The following SLC25A27 variants were observed in gnomAD, a reference collection of about 807,000 sequenced individuals.
SLC25A27 encodes mitochondrial uncoupling protein 4.
Under a neutral mutation model 49.1 loss-of-function variants are expected in SLC25A27, and 35 were observed. That is an observed-to-expected ratio of 0.71 (90% CI 0.54 to 0.95). SLC25A27 has a LOEUF of 0.95. SLC25A27 is among the 40% of genes least tolerant of loss of function. SLC25A27 has a pLI of 0.00. For missense variants in SLC25A27, 339 were observed against 397.1 expected, an observed-to-expected ratio of 0.85 and a Z score of 1.24; for synonymous variants, 144 against 136.9, an observed-to-expected ratio of 1.05 and a Z score of -0.36.
At position 46,656,009 on chromosome 6, in the gene SLC25A27, G is replaced by A. The variant is rs764234756; in HGVS notation, c.273G>A (p.Val91=). 6.8e-6 allele frequency: 11 copies of A among 1,610,688 alleles called. No homozygotes were observed. The highest frequency in any genetic ancestry group is 1.7e-5 in the Admixed American group (1 of 59,404). Residue 91 remains valine, a synonymous_variant, in exon 2 of 9, where the codon GTG becomes GTA. Coordinates refer to ENST00000371347, the MANE Select transcript of SLC25A27 (RefSeq NM_004277.5). The stretch of plus-strand genomic sequence containing the variant: ...GCTTTCTAAAGCTTTGGCAAGGAGT[G>A]ACACCCGCCATTTACAGACACGTAG... ...EEGFLKLWQG[V]TPAIYRHVVY...
At chr6:46,670,919 A>G (rs886517222) in intron 7 of SLC25A27, among the ~76,000 whole-genome samples, 1 of 152,024 alleles carries the variant, frequency 6.6e-6, no homozygotes, top group Non-Finnish European at 1.5e-5. Flanking sequence ...TTTAGTAGAG[A>G]TGGGGTTTCA....
intron 6 of SLC25A27, 118 bp from the exon 7 acceptor site, chr6:46,670,017 C>T: frequency 1.8e-6 from 1 of 565,224 alleles, no homozygotes; most frequent in South Asian, 3.0e-5. Context: ...GCAAAAAGAG[C>T]ATTATGAAGC....
rs1763853488 is a variant in SLC25A27 at position 46,677,869 on chromosome 6, G to A, written c.*1415G>A. The stretch of plus-strand genomic sequence containing the variant: ...TAATGTATACTCACTGCCATTTTAA[G>A]AGGGGGAAGTACATTTTAAAATATA... On this transcript the variant is annotated 3_prime_UTR_variant, in exon 9 of 9. Coordinates refer to ENST00000371347, the MANE Select transcript of SLC25A27 (RefSeq NM_004277.5). The A allele has an allele frequency of 6.6e-6, 1 of 152,468 alleles. No individual in the cohort carries two copies. Among genetic ancestry groups the A allele is most frequent in the African/African-American group, 2.4e-5 (1 of 41,370 alleles). 9.4% of individuals were successfully genotyped at this position (152,468 alleles called of 1,614,324 possible).
At chr6:46,672,469 T>G (rs1199617519) in intron 8 of SLC25A27, among the ~76,000 whole-genome samples, 2 of 152,068 alleles carry the variant, frequency 1.3e-5, no homozygotes, top group Non-Finnish European at 2.9e-5. Flanking sequence ...ATATGAGAGA[T>G]AATGGTGGCT....
Position 46,676,735 on chromosome 6 carries a change from G to T in SLC25A27, c.*281G>T. On this transcript the variant is annotated 3_prime_UTR_variant, in exon 9 of 9. Transcript: ENST00000371347. Reference sequence around the variant, plus strand: ...TCGAAGCCTGACCACTTTCACCTTGGGCAAGAAGGTTTGGCCTTTGAGTTG... The same window carrying T: ...TCGAAGCCTGACCACTTTCACCTTGTGCAAGAAGGTTTGGCCTTTGAGTTG... 1.3e-6 allele frequency: 2 copies of T among 1,522,186 alleles called. No individual in the cohort carries two copies. Among genetic ancestry groups the T allele is most frequent in the Middle Eastern group, 1.7e-4 (1 of 5,946 alleles). 94.3% of individuals were successfully genotyped at this position (1,522,186 alleles called of 1,614,324 possible).
chr6:46,661,437 T>C (rs942982847), intron 3 of SLC25A27, among the ~76,000 whole-genome samples: 3 of 152,220 alleles, frequency 2.0e-5, no homozygotes, highest in African/African-American at 7.2e-5. Context: ...GTCAAACTAT[T>C]AAAAAGAATG....
At position 46,670,187 on chromosome 6, in the gene SLC25A27, A is replaced by G. The variant is rs544957391; in HGVS notation, c.757A>G (p.Lys253Glu). The G allele has an allele frequency of 1.2e-6, 2 of 1,613,520 alleles. No individual in the cohort carries two copies. The highest frequency in any genetic ancestry group is 1.7e-5 in the Admixed American group (1 of 59,934). ...TCTGGGAACACCAGCCGATGTCATC[A>G]AAAGCAGAATAATGAATCAACCACG... ...SILGTPADVI[K>E]SRIMNQPRDK... Residue 253 changes from lysine to glutamate, a missense_variant, in exon 7 of 9, where the codon AAA becomes GAA. Lys to Glu is a moderately conservative substitution (Grantham distance 56). Transcript: ENST00000371347.
At chr6:46,670,610 T>A in intron 7 of SLC25A27, 1 of 195,660 alleles carries the variant, frequency 5.1e-6, no homozygotes, top group Non-Finnish European at 1.0e-5. Context: ...ATAGAATGAA[T>A]TCTAAATATA....
chr6:46,667,535 G>A (rs750707649), intron 5 of SLC25A27, among the ~76,000 whole-genome samples: 27 of 152,052 alleles, frequency 1.8e-4, no homozygotes, highest in Non-Finnish European at 3.2e-4. Context: ...TGCTGCTGCC[G>A]GCCCAGTCTT....
intron 5 of SLC25A27, 80 bp downstream of exon 5, chr6:46,664,966 TTA>T (rs1763277069): frequency 1.6e-6 from 1 of 616,348 alleles, no homozygotes; most frequent in South Asian, 2.9e-5. Context: ...AAATTAAAAT[TTA>T]TGTTTTATTT....
chr6:46,668,906 A>G, intron 6 of SLC25A27, 113 bp downstream of exon 6: 1 of 614,096 alleles, frequency 1.6e-6, no homozygotes, highest in Non-Finnish European at 2.9e-6. Context: ...CATCACCTTT[A>G]GAGAAGAGTA....
chr6:46,670,392 G>T (rs1392802203), intron 7 of SLC25A27, 165 bp downstream of exon 7: 44 of 574,652 alleles, frequency 7.7e-5, no homozygotes, highest in Non-Finnish European at 2.1e-5. Flanking sequence ...ATGAAAAAGT[G>T]ACATGCATTT....
In SLC25A27 at chr6:46,662,363, C is replaced by T. The variant is rs1281299072; in HGVS notation, c.384-13C>T. On this transcript the variant is annotated splice_polypyrimidine_tract_variant and intron_variant, in intron 3 of 8. Coordinates refer to ENST00000371347, the MANE Select transcript of SLC25A27 (RefSeq NM_004277.5). ...TAATGGCAACTTTAAAAAGAATTTC[C>T]TTCTGCAATTAGGAAATCAGTCATT... is the stretch of plus-strand genomic sequence containing the variant. The T allele has an allele frequency of 6.2e-7, 1 of 1,611,740 alleles. No homozygotes were observed. Among genetic ancestry groups the T allele is most frequent in the Admixed American group, 1.7e-5 (1 of 59,564 alleles).
chr6:46,670,971 C>G (rs2150653967), intron 7 of SLC25A27, among the ~76,000 whole-genome samples, 155 bp from the exon 8 acceptor site: 1 of 152,322 alleles, frequency 6.6e-6, no homozygotes, highest in East Asian at 1.9e-4. Flanking sequence ...ACCTCATGAT[C>G]TGCCTGCCTC....
At chr6:46,670,982 G>A (rs1028225534) in intron 7 of SLC25A27, 144 bp from the exon 8 acceptor site, 16 of 532,482 alleles carry the variant, frequency 3.0e-5, no homozygotes, top group Admixed American at 1.6e-4. Context: ...TGCCTGCCTC[G>A]GCCTCCCAAA....
chr6:46,673,817 T>A (rs1763651201), intron 8 of SLC25A27, among the ~76,000 whole-genome samples: 1 of 152,296 alleles, frequency 6.6e-6, no homozygotes, highest in Non-Finnish European at 1.5e-5. Flanking sequence ...AAGGTTTGTT[T>A]GACAGCAAGA....
chr6:46,654,861 C>G (rs371727609), intron 1 of SLC25A27, among the ~76,000 whole-genome samples: 5 of 152,118 alleles, frequency 3.3e-5, no homozygotes, highest in Non-Finnish European at 4.4e-5. Flanking sequence ...ATTGTTTTCT[C>G]TTGGAAAAGG....
intron 4 of SLC25A27, among the ~76,000 whole-genome samples, chr6:46,664,541 T>C (rs1763264115): frequency 6.6e-6 from 1 of 152,238 alleles, no homozygotes; most frequent in Non-Finnish European, 1.5e-5. Context: ...ATACAGTGTA[T>C]AAAGATTTTG....
intron 5 of SLC25A27, among the ~76,000 whole-genome samples, chr6:46,665,482 G>T (rs1001151919): frequency 6.6e-6 from 1 of 152,000 alleles, no homozygotes; most frequent in South Asian, 2.1e-4. Flanking sequence ...TCAGGAGATC[G>T]AGACCATCCT....
Sources: gnomAD v4.1 joint callset for allele counts (sites outside exome capture counted in the v4.1 genomes callset) on GRCh38, gnomAD v4.1.1 for gene constraint, MANE v1.5 for transcripts, NCBI Gene and HGNC (gene_info 2026-07-23, HGNC 2026-07-21) for gene names.